C8orf34: variants seen among roughly 807,000 people sequenced by gnomAD.
The protein encoded by C8orf34 is uncharacterized protein C8orf34.
In C8orf34, 65 loss-of-function variants were observed where a neutral mutation model predicts 68.3. The ratio of observed to expected loss-of-function variants is 0.95; its 90% CI spans 0.78 to 1.17. The LOEUF is 1.17. Among genes scored for constraint, C8orf34 ranks in the 50% most tolerant of loss-of-function variants. The pLI is 0.00. For synonymous variants in C8orf34, 244 were observed against 241.2 expected (o/e 1.01, Z -0.11); for missense variants, 664 against 655.4 (o/e 1.01, Z -0.14).
intron 10 of C8orf34, among the ~76,000 whole-genome samples, chr8:68,756,746 A>G (rs4128614): frequency 6.6e-6 from 1 of 152,184 alleles, no homozygotes; most frequent in Non-Finnish European, 1.5e-5. Context: ...GTAAATCTGT[A>G]CACGAAAACA....
At chr8:68,424,462 A>G (rs1444773491) in intron 1 of C8orf34, among the ~76,000 whole-genome samples, 5 of 152,220 alleles carry the variant, frequency 3.3e-5, no homozygotes, top group Non-Finnish European at 7.3e-5. Flanking sequence ...CACAATTTGG[A>G]TGAGAAAAGG....
chr8:68,368,946 T>G (rs1807435009), intron 1 of C8orf34, among the ~76,000 whole-genome samples: 1 of 152,218 alleles, frequency 6.6e-6, no homozygotes, highest in Admixed American at 6.5e-5. Flanking sequence ...CCAGAAATAG[T>G]AAGATGTATA....
intron 7 of C8orf34, among the ~76,000 whole-genome samples, chr8:68,607,189 G>A (rs1173557139): frequency 6.6e-6 from 1 of 152,042 alleles, no homozygotes; most frequent in Non-Finnish European, 1.5e-5. Flanking sequence ...CTTCTTCTTT[G>A]CTTCATTGGC....
At chr8:68,630,526 T>C (rs1243488353) in intron 7 of C8orf34, among the ~76,000 whole-genome samples, 2 of 152,122 alleles carry the variant, frequency 1.3e-5, no homozygotes, top group Non-Finnish European at 2.9e-5. Flanking sequence ...ATATCCATGA[T>C]ATTTAGTTGA....
intron 7 of C8orf34, among the ~76,000 whole-genome samples, chr8:68,630,570 TTAA>T (rs1818660985): frequency 6.6e-6 from 1 of 152,208 alleles, no homozygotes; most frequent in African/African-American, 2.4e-5. Flanking sequence ...TACAAATATC[TTAA>T]TAAGAAATGC....
At chr8:68,610,063 T>C (rs1007477843) in intron 7 of C8orf34, among the ~76,000 whole-genome samples, 1 of 152,180 alleles carries the variant, frequency 6.6e-6, no homozygotes. Context: ...GAATATAGAA[T>C]TGAAGACCAG....
At chr8:68,428,730 G>GTA (rs1810332213) in intron 1 of C8orf34, among the ~76,000 whole-genome samples, 1 of 152,098 alleles carries the variant, frequency 6.6e-6, no homozygotes, top group South Asian at 2.1e-4. Context: ...TGAAGATGTT[G>GTA]TAATGATGGC....
chr8:68,415,154 G>A (rs891276946), intron 1 of C8orf34, among the ~76,000 whole-genome samples: 2 of 152,100 alleles, frequency 1.3e-5, no homozygotes, highest in Non-Finnish European at 2.9e-5. Flanking sequence ...GTTTTCCATC[G>A]TATGGAGAAA....
At position 68,524,608 on chromosome 8, in the gene C8orf34, T is replaced by TCA. The variant is rs527728106; in HGVS notation, c.938+2637_938+2638insCA. 8.6e-4 allele frequency among the ~76,000 whole-genome samples: 131 copies of TCA among 152,294 alleles called. 6 individuals carry two copies. The East Asian group carries it at 0.017, about 20-fold the overall frequency. The stretch of plus-strand genomic sequence containing the variant: ...ACAGAGAGGTGAATGTGTTGGGAAA[T>TCA]GATTGAAGTCTTTCTGTGAGTGTCA... On this transcript the variant is annotated intron_variant, in intron 6 of 13. Transcript: ENST00000518698.
chr8:68,356,974 A>G (rs1488522066), intron 1 of C8orf34, among the ~76,000 whole-genome samples: 2 of 152,108 alleles, frequency 1.3e-5, no homozygotes, highest in Admixed American at 6.6e-5. Context: ...GTACATTGAA[A>G]CAATATATCT....
intron 8 of C8orf34, among the ~76,000 whole-genome samples, chr8:68,695,459 T>C (rs1820804212): frequency 6.6e-6 from 1 of 152,118 alleles, no homozygotes; most frequent in African/African-American, 2.4e-5. Context: ...TGTTTATTCC[T>C]TTTTATAAGT....
intron 1 of C8orf34, among the ~76,000 whole-genome samples, chr8:68,398,150 A>T (rs1808797198): frequency 6.6e-6 from 1 of 152,112 alleles, no homozygotes; most frequent in African/African-American, 2.4e-5. Context: ...GATGGGCAAA[A>T]TATACATAAC....
intron 8 of C8orf34, among the ~76,000 whole-genome samples, chr8:68,653,572 G>T (rs1030209860): frequency 4.1e-4 from 63 of 152,264 alleles, no homozygotes; most frequent in African/African-American, 1.4e-3. Context: ...GTCTGAGATT[G>T]GGGTGCCAGC....
At chr8:68,625,903 T>C (rs1236085353) in intron 7 of C8orf34, among the ~76,000 whole-genome samples, 1 of 152,208 alleles carries the variant, frequency 6.6e-6, no homozygotes, top group African/African-American at 2.4e-5. Flanking sequence ...TTAACCACAT[T>C]GGATTTAGAA....
At chr8:68,452,060 C>T (rs1249267332) in intron 3 of C8orf34, among the ~76,000 whole-genome samples, 4 of 151,968 alleles carry the variant, frequency 2.6e-5, no homozygotes, top group South Asian at 2.1e-4. Context: ...CAGTCCTTTT[C>T]GTGGCTGAAT....
intron 4 of C8orf34, among the ~76,000 whole-genome samples, chr8:68,474,197 T>C (rs1024959267): frequency 6.6e-6 from 1 of 152,156 alleles, no homozygotes; most frequent in African/African-American, 2.4e-5. Context: ...GTATCTCCAC[T>C]TGGCTATCCC....
intron 12 of C8orf34, among the ~76,000 whole-genome samples, chr8:68,807,102 A>G (rs2129529782): frequency 6.6e-6 from 1 of 152,294 alleles, no homozygotes; most frequent in Non-Finnish European, 1.5e-5. Flanking sequence ...TTGTAGCTAG[A>G]TTATAAGAAT....
At chr8:68,522,095 T>C in intron 6 of C8orf34, 124 bp downstream of exon 6, 1 of 811,938 alleles carries the variant, frequency 1.2e-6, no homozygotes, top group Non-Finnish European at 1.9e-6. Flanking sequence ...ATTATGTTAG[T>C]CTATACATAG....
At chr8:68,617,413 T>C (rs975651332) in intron 7 of C8orf34, among the ~76,000 whole-genome samples, 3 of 152,228 alleles carry the variant, frequency 2.0e-5, no homozygotes, top group African/African-American at 4.8e-5. Context: ...GATTTTGCAG[T>C]GGCTGGTACT....
Sources: gnomAD v4.1 joint callset for allele counts (sites outside exome capture counted in the v4.1 genomes callset) on GRCh38, gnomAD v4.1.1 for gene constraint, MANE v1.5 for transcripts, NCBI Gene and HGNC (gene_info 2026-07-23, HGNC 2026-07-21) for gene names.